The following VPS53 variants were observed in gnomAD, a reference collection of about 807,000 sequenced individuals.
VPS53 encodes the protein vacuolar protein sorting-associated protein 53 homolog.
In VPS53, 70 loss-of-function variants were observed where a neutral mutation model predicts 107.0. The observed-to-expected ratio is 0.65, with a 90% CI of 0.54 to 0.80. The LOEUF is 0.80. VPS53 is among the 30% of genes least tolerant of loss of function. The pLI is 0.00. For synonymous variants in VPS53, 409 were observed against 393.3 expected, an observed-to-expected ratio of 1.04 and a Z score of -0.47; for missense variants, 917 against 1,049.4, an observed-to-expected ratio of 0.87 and a Z score of 1.74.
chr17:704,820 T>C (rs1973339312), intron 2 of VPS53, among the ~76,000 whole-genome samples: 1 of 152,134 alleles, frequency 6.6e-6, no homozygotes, highest in Admixed American at 6.6e-5. Flanking sequence ...CCTGGTGGTT[T>C]CCTACAAAAT....
chr17:595,543 C>T lies in VPS53; in HGVS notation c.1218+6252G>A, dbSNP rs1443867657. ...TTGATGATGCACTCTAGTGCCCCCC[C>T]GGAGGAAGCTGGGAGATGGGAAGGG... On this transcript the variant is annotated intron_variant, in intron 12 of 21. Coordinates refer to ENST00000437048, the MANE Select transcript of VPS53 (RefSeq NM_001128159.3). 3.5e-4 allele frequency among the ~76,000 whole-genome samples: 5 copies of T among 14,306 alleles called. 1 individual carries two copies. The highest frequency in any genetic ancestry group is 5.6e-4 in the Non-Finnish European group (4 of 7,156). 9.4% of individuals were successfully genotyped at this position (14,306 alleles called of 152,430 possible).
chr17:630,538 T>C (rs191546059), intron 8 of VPS53, among the ~76,000 whole-genome samples: 5 of 152,328 alleles, frequency 3.3e-5, no homozygotes, highest in Admixed American at 3.3e-4. Context: ...GAAAGTGCTT[T>C]ACAAATAAGC....
At chr17:541,012 G>C (rs914634776) in intron 17 of VPS53, among the ~76,000 whole-genome samples, 2 of 152,198 alleles carry the variant, frequency 1.3e-5, no homozygotes, top group African/African-American at 4.8e-5. Flanking sequence ...CTTGGAAAGA[G>C]GTTTCTTGAA....
chr17:627,568 A>C (rs1042400476), intron 9 of VPS53, among the ~76,000 whole-genome samples: 1 of 152,152 alleles, frequency 6.6e-6, no homozygotes, highest in African/African-American at 2.4e-5. Context: ...ACCTGAGGTC[A>C]GTTCGAGACC....
chr17:592,507 A>T (rs1189616906), intron 12 of VPS53, among the ~76,000 whole-genome samples: 2 of 152,222 alleles, frequency 1.3e-5, no homozygotes, highest in East Asian at 3.9e-4. Flanking sequence ...ACATTTTGGC[A>T]TGATTTTGCA....
chr17:706,334 T>C (rs1459041890), intron 2 of VPS53, among the ~76,000 whole-genome samples: 3 of 151,848 alleles, frequency 2.0e-5, no homozygotes, highest in Non-Finnish European at 2.9e-5. Flanking sequence ...GTCAAGAGAT[T>C]GAAACCATCC....
chr17:653,157 G>T, intron 7 of VPS53, 134 bp downstream of exon 7: 1 of 1,556,518 alleles, frequency 6.4e-7, no homozygotes, highest in Non-Finnish European at 8.7e-7. Flanking sequence ...TTTCCCTCCG[G>T]TGACAGTTTA....
intron 4 of VPS53, among the ~76,000 whole-genome samples, chr17:692,163 C>G (rs1285518869): frequency 2.0e-5 from 3 of 152,172 alleles, no homozygotes; most frequent in Non-Finnish European, 4.4e-5. Context: ...ACTCTTGAAA[C>G]TTCCCACTGC....
intron 10 of VPS53, among the ~76,000 whole-genome samples, chr17:624,265 C>T (rs1345622052): frequency 6.6e-6 from 1 of 152,118 alleles, no homozygotes; most frequent in Non-Finnish European, 1.5e-5. Flanking sequence ...TATAATTTCA[C>T]AAGTCATTAA....
At position 621,940 on chromosome 17, in the gene VPS53, G is replaced by T. The variant is rs530644676; in HGVS notation, c.1116+1593C>A. Among the ~76,000 whole-genome samples, 6 of 152,276 alleles carry T rather than the reference G, an allele frequency of 3.9e-5. No homozygotes were observed. The South Asian group carries it at 1.2e-3, about 32-fold the overall frequency. ...CTGTTATTAAAGGATAGGTGGGCAT[G>T]GTGGCTCACACCTGGAATCCCAGCA... On this transcript the variant is annotated intron_variant, in intron 11 of 21. Coordinates refer to ENST00000437048, the MANE Select transcript of VPS53 (RefSeq NM_001128159.3).
intron 19 of VPS53, among the ~76,000 whole-genome samples, chr17:526,577 C>A (rs1413095447): frequency 1.3e-5 from 2 of 152,218 alleles, no homozygotes; most frequent in Admixed American, 6.5e-5. Flanking sequence ...TCATGAAAAT[C>A]TGCTAGTTTT....
intron 7 of VPS53, among the ~76,000 whole-genome samples, chr17:644,021 T>C (rs1567702332): frequency 1.3e-5 from 2 of 152,232 alleles, no homozygotes; most frequent in Non-Finnish European, 2.9e-5. Flanking sequence ...TTCAAGAGTT[T>C]CATGGTTTTC....
At chr17:635,953 T>C (rs1249424309) in intron 7 of VPS53, among the ~76,000 whole-genome samples, 1 of 152,228 alleles carries the variant, frequency 6.6e-6, no homozygotes, top group East Asian at 1.9e-4. Flanking sequence ...GGTAGCTTGA[T>C]GGGGATGGCA....
intron 19 of VPS53, 169 bp downstream of exon 19, chr17:532,673 A>T (rs1256373571): frequency 1.4e-6 from 2 of 1,406,806 alleles, no homozygotes; most frequent in Admixed American, 5.9e-5. Flanking sequence ...AATTTTTAAA[A>T]ATAAATGGAA....
rs530642303 is a variant in VPS53 at position 679,572 on chromosome 17, G to T, written c.286-17677C>A. On this transcript the variant is annotated intron_variant, in intron 4 of 21. Transcript: ENST00000437048. ...AGAATATAAACAGAGAATTGGAAAGGATGAATAAACTTAAACATCTGAGTA... is the reference window on the plus strand; with the variant it reads ...AGAATATAAACAGAGAATTGGAAAGTATGAATAAACTTAAACATCTGAGTA... Among the ~76,000 whole-genome samples the T allele has an allele frequency of 9.9e-5, 15 of 152,196 alleles. No homozygotes were observed. In the East Asian group the frequency reaches 2.9e-3, roughly 29 times the overall value.
intron 5 of VPS53, among the ~76,000 whole-genome samples, chr17:658,695 G>A (rs1481508054): frequency 1.3e-5 from 2 of 149,110 alleles, no homozygotes; most frequent in Non-Finnish European, 3.0e-5. Flanking sequence ...TGAGACACTC[G>A]GCCGTGAGTT....
chr17:691,759 C>T (rs957059146), intron 4 of VPS53, among the ~76,000 whole-genome samples: 3 of 152,208 alleles, frequency 2.0e-5, no homozygotes, highest in African/African-American at 7.2e-5. Context: ...GCAGCCATCT[C>T]GGCTATTACA....
chr17:569,639 C>T (rs1464823852), intron 13 of VPS53, among the ~76,000 whole-genome samples: 2 of 152,096 alleles, frequency 1.3e-5, no homozygotes, highest in South Asian at 2.1e-4. Flanking sequence ...CACCATTTGA[C>T]TGGGCGCGGC....
At chr17:678,733 G>C (rs1213112528) in intron 4 of VPS53, among the ~76,000 whole-genome samples, 1 of 151,858 alleles carries the variant, frequency 6.6e-6, no homozygotes, top group Non-Finnish European at 1.5e-5. Context: ...CCACCCCCCG[G>C]GTTCACGCCA....
Sources: allele counts gnomAD v4.1 joint callset (sites outside exome capture counted in the v4.1 genomes callset), GRCh38; gene constraint gnomAD v4.1.1; transcripts MANE v1.5; gene names NCBI Gene and HGNC (gene_info 2026-07-23, HGNC 2026-07-21).